The following CPA6 variants were observed in gnomAD, a reference collection of about 807,000 sequenced individuals.
The protein encoded by CPA6 is carboxypeptidase A6, also known as carboxypeptidase B.
In CPA6, 58 loss-of-function variants were observed where a neutral mutation model predicts 63.3. The ratio of observed to expected loss-of-function variants is 0.92; its 90% confidence interval spans 0.74 to 1.14. CPA6 has a LOEUF of 1.14. CPA6 is among the 50% of genes most tolerant of loss of function. The probability of loss-of-function intolerance (pLI) is 0.00; values close to 1 mark genes in which losing one functional copy is unlikely to be tolerated. For synonymous variants in CPA6, 185 were observed against 179.0 expected (o/e 1.03, Z -0.27); for missense variants, 565 against 526.6 (o/e 1.07, Z -0.71).
intron 1 of CPA6, among the ~76,000 whole-genome samples, chr8:67,744,796 C>T (rs2553664): frequency 0.61 from 92,666 of 151,980 alleles, 32,298 homozygotes; most frequent in Non-Finnish European, 0.75. Context: ...GGGATGTTAA[C>T]TCCTTTCCGT....
chr8:67,705,733 T>A (rs1817120314), intron 1 of CPA6, among the ~76,000 whole-genome samples: 1 of 152,194 alleles, frequency 6.6e-6, no homozygotes, highest in Non-Finnish European at 1.5e-5. Flanking sequence ...AACTCAGGGG[T>A]TTAGAAATTG....
chr8:67,495,543 G>A, intron 6 of CPA6, among the ~76,000 whole-genome samples: 1 of 152,032 alleles, frequency 6.6e-6, no homozygotes, highest in East Asian at 1.9e-4. Context: ...TCCTGTCTAT[G>A]TGTAGATTCC....
At chr8:67,498,203 T>C (rs1286651740) in intron 6 of CPA6, among the ~76,000 whole-genome samples, 1 of 152,114 alleles carries the variant, frequency 6.6e-6, no homozygotes, top group Non-Finnish European at 1.5e-5. Flanking sequence ...CTTTGATGAA[T>C]TTAGTGTCTG....
intron 2 of CPA6, among the ~76,000 whole-genome samples, chr8:67,525,834 A>G (rs1255079489): frequency 6.6e-6 from 1 of 152,186 alleles, no homozygotes; most frequent in Non-Finnish European, 1.5e-5. Flanking sequence ...TGTACACAGA[A>G]CATGAGTGTG....
At chr8:67,580,710 T>C (rs1024169153) in intron 2 of CPA6, among the ~76,000 whole-genome samples, 7 of 152,300 alleles carry the variant, frequency 4.6e-5, no homozygotes, top group Admixed American at 3.3e-4. Flanking sequence ...GTGGTTACCA[T>C]GCCAGCCTGG....
At chr8:67,617,111 T>C (rs1003509995) in intron 2 of CPA6, among the ~76,000 whole-genome samples, 1 of 152,196 alleles carries the variant, frequency 6.6e-6, no homozygotes, top group Non-Finnish European at 1.5e-5. Context: ...CAGCTTAAAA[T>C]ACTACTGCAT....
chr8:67,589,781 C>A (rs577950692), intron 2 of CPA6, among the ~76,000 whole-genome samples: 1 of 152,034 alleles, frequency 6.6e-6, no homozygotes, highest in South Asian at 2.1e-4. Flanking sequence ...GCCCTTCCCC[C>A]TAGGCACACT....
chr8:67,499,349 T>C (rs1184308190), intron 6 of CPA6, among the ~76,000 whole-genome samples: 1 of 152,154 alleles, frequency 6.6e-6, no homozygotes, highest in African/African-American at 2.4e-5. Context: ...AAATTGACTG[T>C]TTCTCTAGGC....
intron 2 of CPA6, among the ~76,000 whole-genome samples, chr8:67,588,878 G>C (rs570330185): frequency 6.6e-6 from 1 of 152,244 alleles, no homozygotes; most frequent in African/African-American, 2.4e-5. Context: ...GGTGGCTCAT[G>C]CGTGTAATCC....
intron 8 of CPA6, among the ~76,000 whole-genome samples, chr8:67,441,805 GA>G (rs1471724525): frequency 6.6e-6 from 1 of 151,984 alleles, no homozygotes; most frequent in Non-Finnish European, 1.5e-5. Flanking sequence ...TGGTAAGGAA[GA>G]AAAAAATATA....
At chr8:67,483,888 G>A (rs771456857) in intron 7 of CPA6, 30 bp from the exon 8 acceptor site, 15 of 1,541,890 alleles carry the variant, frequency 9.7e-6, no homozygotes, top group Non-Finnish European at 1.3e-5. Flanking sequence ...CAGGTGCTGA[G>A]AAAAATACTT....
Position 67,483,904 on chromosome 8 carries a change from G to A in CPA6, c.748-46C>T, listed in dbSNP as rs200471725. On this transcript the variant is annotated intron_variant, in intron 7 of 10. Transcript: ENST00000297770. The stretch of plus-strand genomic sequence containing the variant: ...AGGTGCTGAGAAAAATACTTAAAAG[G>A]TTATTCGCATGCATTTTAATAGCTC... 1.4e-5 allele frequency: 20 copies of A among 1,463,386 alleles called. No individual in the cohort carries two copies. In the Middle Eastern group the frequency reaches 5.2e-4, roughly 38 times the overall value. The allele number at this position is 1,463,386 out of a possible 1,614,324, so 90.7% of individuals were successfully genotyped here. A position where few individuals can be genotyped will look rare whatever the true frequency, so the allele number is the denominator to read the frequency against.
intron 1 of CPA6, among the ~76,000 whole-genome samples, chr8:67,736,527 C>A (rs1817816054): frequency 6.6e-6 from 1 of 152,130 alleles, no homozygotes; most frequent in Non-Finnish European, 1.5e-5. Context: ...CTTCTTGGAT[C>A]CCTTATTTTC....
At chr8:67,571,045 C>T (rs1203191260) in intron 2 of CPA6, among the ~76,000 whole-genome samples, 4 of 152,054 alleles carry the variant, frequency 2.6e-5, no homozygotes, top group East Asian at 1.9e-4. Context: ...GCAGAGGTAG[C>T]GATACTTGCT....
chr8:67,736,893 T>C (rs766315894), intron 1 of CPA6, among the ~76,000 whole-genome samples: 3 of 152,226 alleles, frequency 2.0e-5, no homozygotes, highest in Admixed American at 6.5e-5. Flanking sequence ...TGTGAAATAG[T>C]GGAAAAATTG....
At chr8:67,569,230 T>A in intron 2 of CPA6, among the ~76,000 whole-genome samples, 1 of 152,076 alleles carries the variant, frequency 6.6e-6, no homozygotes, top group East Asian at 1.9e-4. Context: ...CAGAAAGAGA[T>A]AAGAAATATA....
chr8:67,745,856 G>C (rs1179053964), intron 1 of CPA6, among the ~76,000 whole-genome samples, 158 bp downstream of exon 1: 1 of 152,172 alleles, frequency 6.6e-6, no homozygotes, highest in Non-Finnish European at 1.5e-5. Context: ...CTAAAGCCAA[G>C]AGCAGAGAGC....
At chr8:67,467,218 T>G (rs1170025790) in intron 8 of CPA6, among the ~76,000 whole-genome samples, 1 of 152,030 alleles carries the variant, frequency 6.6e-6, no homozygotes, top group Admixed American at 6.6e-5. Context: ...CTGCCTCGAG[T>G]CTCTTCTCTG....
At chr8:67,714,026 A>AT (rs541551737) in intron 1 of CPA6, among the ~76,000 whole-genome samples, 45 of 151,048 alleles carry the variant, frequency 3.0e-4, no homozygotes, top group Admixed American at 1.3e-3. Context: ...CCATGTTAAA[A>AT]TTTTTTTTTT....
Sources: gnomAD v4.1 joint callset for allele counts (sites outside exome capture counted in the v4.1 genomes callset) on GRCh38, gnomAD v4.1.1 for gene constraint, MANE v1.5 for transcripts, NCBI Gene and HGNC (gene_info 2026-07-23, HGNC 2026-07-21) for gene names.